TENM3: variants seen among roughly 807,000 people sequenced by gnomAD.
The protein encoded by TENM3 is teneurin-3.
Under a neutral mutation model 255.1 loss-of-function variants are expected in TENM3, and 63 were observed. The observed-to-expected ratio is 0.25, with a 90% CI of 0.20 to 0.30. The LOEUF (loss-of-function observed/expected upper bound fraction) is 0.30, where lower values mean the gene tolerates loss of function less well. TENM3 is among the 10% of genes least tolerant of loss of function. The probability of loss-of-function intolerance (pLI) is 1.00; values close to 1 mark genes in which losing one functional copy is unlikely to be tolerated. For missense variants in TENM3, 2,929 were observed against 3,461.1 expected, an observed-to-expected ratio of 0.85 and a Z score of 3.86; for synonymous variants, 1,306 against 1,322.3, an observed-to-expected ratio of 0.99 and a Z score of 0.27.
chr4:182,318,797 G>A (rs1005416336), intron 1 of TENM3, among the ~76,000 whole-genome samples: 5 of 152,092 alleles, frequency 3.3e-5, no homozygotes, highest in African/African-American at 7.2e-5. Flanking sequence ...AGACAGAGTC[G>A]CACTCTGTTG....
the TENM3 span, among the ~76,000 whole-genome samples, chr4:181,650,322 CAG>C: frequency 6.6e-6 from 1 of 152,154 alleles, no homozygotes; most frequent in Admixed American, 6.5e-5. Flanking sequence ...AATTAAAGGA[CAG>C]AGCATAAACA....
chr4:181,645,066 G>C, the TENM3 span, among the ~76,000 whole-genome samples: 3 of 152,144 alleles, frequency 2.0e-5, no homozygotes, highest in Non-Finnish European at 4.4e-5. Context: ...AGAATAAAGT[G>C]TTTTCCAAAA....
At chr4:181,470,007 C>T in the TENM3 span, among the ~76,000 whole-genome samples, 115 of 150,254 alleles carry the variant, frequency 7.7e-4, 1 homozygote, top group Non-Finnish European at 1.4e-3. Flanking sequence ...ATAACATATG[C>T]GGTAATGAAA....
the TENM3 span, among the ~76,000 whole-genome samples, chr4:182,026,251 G>A: frequency 1.3e-5 from 2 of 152,212 alleles, no homozygotes; most frequent in African/African-American, 4.8e-5. Flanking sequence ...GGTGCCATTT[G>A]TAAGTCTTCC....
the TENM3 span, among the ~76,000 whole-genome samples, chr4:181,915,189 A>G: frequency 7.2e-5 from 11 of 152,220 alleles, no homozygotes; most frequent in African/African-American, 2.7e-4. Context: ...AAGTGAAGCC[A>G]GAAGGCTGCT....
chr4:181,993,229 G>C, the TENM3 span, among the ~76,000 whole-genome samples: 1 of 151,928 alleles, frequency 6.6e-6, no homozygotes, highest in Non-Finnish European at 1.5e-5. Context: ...GCTTTAATTA[G>C]TTTTTTTCTC....
At chr4:182,105,614 T>C in the TENM3 span, among the ~76,000 whole-genome samples, 1 of 152,202 alleles carries the variant, frequency 6.6e-6, no homozygotes, top group African/African-American at 2.4e-5. Context: ...CAGCTCTCAT[T>C]GTCTCCCTCC....
In TENM3 at chr4:182,271,967, A is replaced by G. The variant is rs141456046; in HGVS notation, c.-76+28491A>G. Among the ~76,000 whole-genome samples the G allele has an allele frequency of 2.6e-3, 398 of 152,340 alleles. 2 individuals carry two copies. Among genetic ancestry groups the G allele is most frequent in the African/African-American group, 9.3e-3 (388 of 41,580 alleles). On this transcript the variant is annotated intron_variant, in intron 1 of 27. Coordinates refer to ENST00000511685, the MANE Select transcript of TENM3 (RefSeq NM_001080477.4). Reference sequence around the variant, plus strand: ...ACAGGCGGCAGCTCTGCCCTTGCGCAGTCCTCGTGACCGTTCGGCCAGTTT... The same window carrying G: ...ACAGGCGGCAGCTCTGCCCTTGCGCGGTCCTCGTGACCGTTCGGCCAGTTT...
the TENM3 span, among the ~76,000 whole-genome samples, chr4:181,661,082 C>T: frequency 6.6e-6 from 1 of 152,230 alleles, no homozygotes; most frequent in South Asian, 2.1e-4. Context: ...GACAATGATA[C>T]ATTTCTCAAC....
chr4:182,477,040 A>G (rs1341523081), intron 3 of TENM3, among the ~76,000 whole-genome samples: 1 of 152,158 alleles, frequency 6.6e-6, no homozygotes, highest in African/African-American at 2.4e-5. Flanking sequence ...TCCGTGAGAT[A>G]TTTTTACTTC....
In TENM3 at chr4:182,730,233, T is replaced by G. The variant is rs1760580690; in HGVS notation, c.2619T>G (p.Thr873=). Residue 873 remains threonine (T), a synonymous_variant, in exon 15 of 28, where the codon ACT becomes ACG. Coordinates refer to ENST00000511685, the MANE Select transcript of TENM3 (RefSeq NM_001080477.4). ...CTGTCATCAGAGGCCAAGTACTGACTGCTGATGGAACTCCACTTATTGGAG... is the reference window on the plus strand; with the variant it reads ...CTGTCATCAGAGGCCAAGTACTGACGGCTGATGGAACTCCACTTATTGGAG... ...LASVIRGQVL[T]ADGTPLIGVN... 1 of 1,613,882 alleles carries G rather than the reference T, an allele frequency of 6.2e-7. No individual in the cohort carries two copies. Among genetic ancestry groups the G allele is most frequent in the African/African-American group, 1.3e-5 (1 of 75,066 alleles).
chr4:181,575,805 T>C, the TENM3 span, among the ~76,000 whole-genome samples: 2 of 152,232 alleles, frequency 1.3e-5, no homozygotes, highest in Non-Finnish European at 2.9e-5. Flanking sequence ...AGCAGCCTGC[T>C]GTCAGACTGC....
intron 2 of TENM3, 24 bp from the exon 3 acceptor site, chr4:182,346,627 T>C: frequency 6.2e-7 from 1 of 1,602,984 alleles, no homozygotes; most frequent in Admixed American, 1.7e-5. Context: ...TCACTAGTTG[T>C]TATCTTTTTT....
the TENM3 span, among the ~76,000 whole-genome samples, chr4:181,593,816 A>C: frequency 6.6e-6 from 1 of 152,192 alleles, no homozygotes; most frequent in Non-Finnish European, 1.5e-5. Context: ...TTGATGTGAC[A>C]GTTGGAGGTA....
chr4:181,891,603 C>A, the TENM3 span, among the ~76,000 whole-genome samples: 1 of 152,170 alleles, frequency 6.6e-6, no homozygotes, highest in Non-Finnish European at 1.5e-5. Flanking sequence ...CTTTCTTTAT[C>A]CAAATCCTTA....
intron 3 of TENM3, among the ~76,000 whole-genome samples, chr4:182,386,093 G>T (rs1767896473): frequency 6.6e-6 from 1 of 152,228 alleles, no homozygotes; most frequent in South Asian, 2.1e-4. Context: ...AGGAAGTGAA[G>T]ACTGATCACA....
At chr4:181,883,629 C>T in the TENM3 span, among the ~76,000 whole-genome samples, 5 of 152,054 alleles carry the variant, frequency 3.3e-5, no homozygotes, top group African/African-American at 1.2e-4. Context: ...CGCCCGCCAC[C>T]ACGCCTGGCT....
At chr4:181,988,227 T>C in the TENM3 span, among the ~76,000 whole-genome samples, 1 of 152,122 alleles carries the variant, frequency 6.6e-6, no homozygotes, top group Non-Finnish European at 1.5e-5. Flanking sequence ...CACTTGATTT[T>C]ATTTTGCCTG....
chr4:181,641,552 G>GTAAATATATATA, the TENM3 span, among the ~76,000 whole-genome samples: 1 of 21,694 alleles, frequency 4.6e-5, no homozygotes, highest in Non-Finnish European at 8.6e-5. Flanking sequence ...CATGGTGTGT[G>GTAAATATATATA]TGTATATATA....
Sources: allele counts gnomAD v4.1 joint callset (sites outside exome capture counted in the v4.1 genomes callset), GRCh38; gene constraint gnomAD v4.1.1; transcripts MANE v1.5; gene names NCBI Gene and HGNC (gene_info 2026-07-23, HGNC 2026-07-21).